The following SLC25A48 variants were observed in gnomAD, a reference collection of about 807,000 sequenced individuals.
SLC25A48 encodes CTC-321K16.1.
Under a neutral mutation model 32.2 loss-of-function variants are expected in SLC25A48, and 29 were observed. The observed-to-expected ratio is 0.90, with a 90% CI of 0.67 to 1.23. The LOEUF (loss-of-function observed/expected upper bound fraction) is 1.23. Among genes scored for constraint, SLC25A48 ranks in the 50% most tolerant of loss-of-function variants. The pLI is 0.00. For missense variants in SLC25A48, 399 were observed against 422.7 expected (o/e 0.94, Z 0.49); for synonymous variants, 164 against 172.3 (o/e 0.95, Z 0.38).
At chr5:135,700,169 C>T (rs758454419) in intron 3 of SLC25A48, among the ~76,000 whole-genome samples, 3 of 151,688 alleles carry the variant, frequency 2.0e-5, no homozygotes, top group South Asian at 2.1e-4. Flanking sequence ...GTCAGGAGTT[C>T]GAGATCAGCC....
intron 1 of SLC25A48, among the ~76,000 whole-genome samples, chr5:135,599,964 T>C (rs1751754714): frequency 6.6e-6 from 1 of 151,936 alleles, no homozygotes; most frequent in Admixed American, 6.6e-5. Context: ...GTCCCTGCCA[T>C]AACATATCTA....
At chr5:135,596,986 C>T (rs982711799) in intron 1 of SLC25A48, among the ~76,000 whole-genome samples, 2 of 151,990 alleles carry the variant, frequency 1.3e-5, no homozygotes, top group South Asian at 2.1e-4. Context: ...ATGACTCAGT[C>T]GTCTTTTGAA....
chr5:135,848,915 CAGGAG>C (rs1267471472), intron 2 of SLC25A48, among the ~76,000 whole-genome samples: 1 of 152,198 alleles, frequency 6.6e-6, no homozygotes, highest in African/African-American at 2.4e-5. Context: ...GTCATAAACT[CAGGAG>C]AGGAGTAGGG....
intron 4 of SLC25A48, among the ~76,000 whole-genome samples, chr5:135,869,414 G>GA (rs1761470517): frequency 6.6e-6 from 1 of 152,082 alleles, no homozygotes; most frequent in African/African-American, 2.4e-5. Flanking sequence ...ACTCCGCAGG[G>GA]AAAAGGAAAA....
chr5:135,752,883 C>A (rs1755801934), intron 3 of SLC25A48, among the ~76,000 whole-genome samples: 1 of 151,686 alleles, frequency 6.6e-6, no homozygotes, highest in Non-Finnish European at 1.5e-5. Context: ...TATGAGTAAT[C>A]TTCTATGATA....
chr5:135,626,101 A>G (rs988036599), intron 1 of SLC25A48, among the ~76,000 whole-genome samples: 1 of 152,250 alleles, frequency 6.6e-6, no homozygotes, highest in African/African-American at 2.4e-5. Flanking sequence ...GGGTCAGGGT[A>G]GGCCAACTCA....
At chr5:135,877,003 G>C (rs541538154) in intron 6 of SLC25A48, among the ~76,000 whole-genome samples, 1 of 152,174 alleles carries the variant, frequency 6.6e-6, no homozygotes, top group South Asian at 2.1e-4. Flanking sequence ...ACCTTGCTAT[G>C]GAGGAAGAAG....
intron 4 of SLC25A48, among the ~76,000 whole-genome samples, chr5:135,858,010 G>A (rs1425812183): frequency 1.3e-5 from 2 of 152,204 alleles, no homozygotes; most frequent in African/African-American, 4.8e-5. Flanking sequence ...TTCCACCATG[G>A]GGAGGTGCTG....
At chr5:135,839,204 CCTGGGAGACA>C (rs1385167528) in intron 1 of SLC25A48, among the ~76,000 whole-genome samples, 1 of 152,186 alleles carries the variant, frequency 6.6e-6, no homozygotes, top group Non-Finnish European at 1.5e-5. Flanking sequence ...TTTGCTAACT[CCTGGGAGACA>C]CTCATGCCAG....
chr5:135,840,295 G>A (rs962407461), intron 1 of SLC25A48, among the ~76,000 whole-genome samples: 27 of 152,200 alleles, frequency 1.8e-4, no homozygotes, highest in Admixed American at 1.8e-3. Flanking sequence ...GCAGGAGGTA[G>A]GTGCTGTTAT....
At chr5:135,633,847 T>TTTTAAAATCTGCATAAA (rs1303509820) in intron 2 of SLC25A48, among the ~76,000 whole-genome samples, 16 of 152,248 alleles carry the variant, frequency 1.1e-4, no homozygotes, top group Non-Finnish European at 2.2e-4. Flanking sequence ...GTTTGCTCAA[T>TTTTAAAATCTGCATAAA]TTTAAAATCT....
At chr5:135,852,313 T>C (rs1335358898) in intron 3 of SLC25A48, among the ~76,000 whole-genome samples, 2 of 152,182 alleles carry the variant, frequency 1.3e-5, no homozygotes, top group Non-Finnish European at 2.9e-5. Flanking sequence ...ATGCATGGCA[T>C]GTGTGGGTTC....
At chr5:135,853,730 CTTG>C (rs1414637296) in intron 4 of SLC25A48, among the ~76,000 whole-genome samples, 1 of 152,192 alleles carries the variant, frequency 6.6e-6, no homozygotes, top group Non-Finnish European at 1.5e-5. Flanking sequence ...CTTCCAAACT[CTTG>C]TTAACATTGC....
intron 1 of SLC25A48, among the ~76,000 whole-genome samples, chr5:135,625,465 G>T (rs549531635): frequency 2.0e-5 from 3 of 152,034 alleles, no homozygotes; most frequent in Middle Eastern, 3.2e-3. Flanking sequence ...TCTTGGTCAG[G>T]GTCCTTCTCA....
At chr5:135,820,720 T>C (rs1242956507) in intron 4 of SLC25A48, among the ~76,000 whole-genome samples, 1 of 152,230 alleles carries the variant, frequency 6.6e-6, no homozygotes. Flanking sequence ...AATAATTTAT[T>C]CTTAAGTGAC....
At chr5:135,628,939 G>A (rs902729636) in intron 1 of SLC25A48, among the ~76,000 whole-genome samples, 1 of 152,222 alleles carries the variant, frequency 6.6e-6, no homozygotes, top group African/African-American at 2.4e-5. Flanking sequence ...ATGTCCAGAT[G>A]AGCATATGTG....
chr5:135,596,753 C>A (rs1403903382), intron 1 of SLC25A48, among the ~76,000 whole-genome samples: 1 of 152,176 alleles, frequency 6.6e-6, no homozygotes, highest in Non-Finnish European at 1.5e-5. Flanking sequence ...GAGCTTCATG[C>A]CCCACTTTTC....
At chr5:135,662,674 C>T (rs1195321917) in intron 3 of SLC25A48, among the ~76,000 whole-genome samples, 7 of 137,584 alleles carry the variant, frequency 5.1e-5, no homozygotes, top group African/African-American at 8.2e-5. Flanking sequence ...TTCTCTTTGC[C>T]GTCTTGCAGC....
At chr5:135,772,445 G>T (rs953847879) in intron 3 of SLC25A48, among the ~76,000 whole-genome samples, 10 of 151,690 alleles carry the variant, frequency 6.6e-5, no homozygotes, top group African/African-American at 2.4e-4. Flanking sequence ...ATCGTTGTGG[G>T]TGTACAGCCT....
Sources: gnomAD v4.1 joint callset for allele counts (sites outside exome capture counted in the v4.1 genomes callset) on GRCh38, gnomAD v4.1.1 for gene constraint, MANE v1.5 for transcripts, NCBI Gene and HGNC (gene_info 2026-07-23, HGNC 2026-07-21) for gene names.